The following AFAP1 variants were observed in gnomAD, a reference collection of about 807,000 sequenced individuals.
AFAP1 encodes the protein actin filament-associated protein 1.
AFAP1 carries 75 observed loss-of-function variants against 93.9 expected under a neutral mutation model. The ratio of observed to expected loss-of-function variants is 0.80; its 90% confidence interval spans 0.66 to 0.97. The LOEUF (loss-of-function observed/expected upper bound fraction) is 0.97. AFAP1 is among the 50% of genes least tolerant of loss of function. The pLI is 0.00. For missense variants in AFAP1, 1,201 were observed against 1,050.8 expected (o/e 1.14, Z -1.98); for synonymous variants, 517 against 430.7 (o/e 1.20, Z -2.48).
At chr4:7,873,461 G>T (rs1050139115) in intron 1 of AFAP1, among the ~76,000 whole-genome samples, 10 of 133,056 alleles carry the variant, frequency 7.5e-5, no homozygotes, top group African/African-American at 2.5e-4. Flanking sequence ...CCATTCTCCT[G>T]CCTCAGCCTC....
chr4:7,785,318 C>G, intron 12 of AFAP1, among the ~76,000 whole-genome samples: 1 of 152,120 alleles, frequency 6.6e-6, no homozygotes, highest in South Asian at 2.1e-4. Context: ...CCCCCGAGGC[C>G]AGCGTAACAG....
chr4:7,765,352 C>T (rs1714405477), intron 17 of AFAP1, among the ~76,000 whole-genome samples: 1 of 152,194 alleles, frequency 6.6e-6, no homozygotes. Flanking sequence ...TCAGTGATTC[C>T]CCACCACCCT....
chr4:7,925,920 T>C (rs1720707965), intron 1 of AFAP1, among the ~76,000 whole-genome samples: 1 of 152,178 alleles, frequency 6.6e-6, no homozygotes, highest in African/African-American at 2.4e-5. Flanking sequence ...TAAGCCTCTA[T>C]CTTCATCTTT....
rs561989220 is a variant in AFAP1, at chr4:7,890,046, A to T, written c.-2-17966T>A. ...AAAAGAAGCCAATTCTAAAATAGACAAAAACAAAAAGAACAAAGAACTAGA... is the reference window on the plus strand; with the variant it reads ...AAAAGAAGCCAATTCTAAAATAGACTAAAACAAAAAGAACAAAGAACTAGA... On this transcript the variant is annotated intron_variant, in intron 1 of 17. Coordinates refer to ENST00000420658, the MANE Select transcript of AFAP1 (RefSeq NM_001134647.2). Among the ~76,000 whole-genome samples the T allele has an allele frequency of 3.2e-3, 485 of 151,636 alleles. 2 individuals carry two copies. The highest frequency in any genetic ancestry group is 0.011 in the African/African-American group (473 of 41,464).
At chr4:7,914,075 G>A (rs1054991486) in intron 1 of AFAP1, among the ~76,000 whole-genome samples, 1 of 146,186 alleles carries the variant, frequency 6.8e-6, no homozygotes, top group Non-Finnish European at 1.5e-5. Flanking sequence ...TTTTTTTTGA[G>A]ACAAAGTCAC....
intron 1 of AFAP1, among the ~76,000 whole-genome samples, chr4:7,882,121 AAAGT>A (rs1436183646): frequency 4.6e-5 from 7 of 152,164 alleles, no homozygotes; most frequent in African/African-American, 1.7e-4. Flanking sequence ...ATGAAGTCCT[AAAGT>A]AAGTACCACA....
At chr4:7,874,952 G>T (rs1261805128) in intron 1 of AFAP1, among the ~76,000 whole-genome samples, 1 of 151,990 alleles carries the variant, frequency 6.6e-6, no homozygotes, top group Non-Finnish European at 1.5e-5. Flanking sequence ...AGTACCTACA[G>T]ATATAATCAT....
chr4:7,776,362 C>T (rs987643975), intron 14 of AFAP1: 32 of 151,888 alleles, frequency 2.1e-4, no homozygotes, highest in African/African-American at 7.5e-4. Context: ...AAAGCAGAAA[C>T]GAGAAGGAAT....
chr4:7,781,798 C>G (rs1009527525), intron 12 of AFAP1, among the ~76,000 whole-genome samples, 171 bp from the exon 13 acceptor site: 1 of 152,072 alleles, frequency 6.6e-6, no homozygotes, highest in Non-Finnish European at 1.5e-5. Context: ...CCACCACCCC[C>G]CTCCCACACA....
At chr4:7,840,452 T>TAC (rs1222907371) in intron 5 of AFAP1, among the ~76,000 whole-genome samples, 2 of 152,010 alleles carry the variant, frequency 1.3e-5, no homozygotes, top group African/African-American at 4.8e-5. Flanking sequence ...TAACTGGGAG[T>TAC]ACAGGCGTGC....
chr4:7,855,030 A>T (rs573650629), intron 4 of AFAP1, among the ~76,000 whole-genome samples: 3 of 152,366 alleles, frequency 2.0e-5, no homozygotes, highest in African/African-American at 7.2e-5. Flanking sequence ...TCTATGACAG[A>T]GACGCCTGTT....
intron 1 of AFAP1, among the ~76,000 whole-genome samples, chr4:7,920,724 G>C (rs925670368): frequency 6.6e-6 from 1 of 152,122 alleles, no homozygotes; most frequent in Non-Finnish European, 1.5e-5. Flanking sequence ...TTCTTCCTTC[G>C]AATCTCTATT....
intron 1 of AFAP1, among the ~76,000 whole-genome samples, chr4:7,886,213 C>T (rs756687511): frequency 6.6e-6 from 1 of 152,142 alleles, no homozygotes; most frequent in Non-Finnish European, 1.5e-5. Flanking sequence ...TTCCCAGTTC[C>T]GTAATGTATA....
intron 3 of AFAP1, among the ~76,000 whole-genome samples, chr4:7,864,392 A>C (rs1300779378): frequency 6.6e-6 from 1 of 152,232 alleles, no homozygotes; most frequent in Non-Finnish European, 1.5e-5. Flanking sequence ...AAGTCAATTC[A>C]TCAATAGCGA....
chr4:7,823,649 G>A (rs939687056), intron 6 of AFAP1, among the ~76,000 whole-genome samples: 6 of 152,122 alleles, frequency 3.9e-5, no homozygotes, highest in African/African-American at 7.2e-5. Context: ...TCACGTAATC[G>A]CCTTTCCAAG....
intron 6 of AFAP1, among the ~76,000 whole-genome samples, chr4:7,824,359 T>A (rs1721239588): frequency 6.6e-6 from 1 of 152,174 alleles, no homozygotes; most frequent in South Asian, 2.1e-4. Context: ...ACTCCGTTTC[T>A]GGGAATATTG....
chr4:7,770,210 A>C (rs1715225571), intron 16 of AFAP1, among the ~76,000 whole-genome samples: 3 of 152,210 alleles, frequency 2.0e-5, no homozygotes. Flanking sequence ...CCCAAAGGAT[A>C]CTTGGGACAA....
chr4:7,851,356 C>G (rs1714416613), intron 4 of AFAP1, among the ~76,000 whole-genome samples: 3 of 152,192 alleles, frequency 2.0e-5, no homozygotes, highest in African/African-American at 7.2e-5. Context: ...AGCGAGCAAG[C>G]AGCCCTTAGT....
intron 11 of AFAP1, among the ~76,000 whole-genome samples, chr4:7,793,214 A>G (rs1435549021): frequency 1.3e-5 from 2 of 152,170 alleles, no homozygotes; most frequent in African/African-American, 2.4e-5. Context: ...CTTGACGGAT[A>G]GCTTTGAAAA....
Sources: gnomAD v4.1 joint callset for allele counts (sites outside exome capture counted in the v4.1 genomes callset) on GRCh38, gnomAD v4.1.1 for gene constraint, MANE v1.5 for transcripts, NCBI Gene and HGNC (gene_info 2026-07-23, HGNC 2026-07-21) for gene names.